CCDC7: variants seen among roughly 807,000 people sequenced by gnomAD.
The protein encoded by CCDC7 is coiled-coil domain containing 7.
Under a neutral mutation model 196.9 loss-of-function variants are expected in CCDC7, and 183 were observed. That is an observed-to-expected ratio of 0.93 (90% CI 0.82 to 1.05). CCDC7 has a LOEUF of 1.05. Ranked by LOEUF, CCDC7 falls within the 50% of genes least tolerant of loss-of-function variation. The probability of loss-of-function intolerance (pLI) is 0.00; values close to 1 mark genes in which losing one functional copy is unlikely to be tolerated. For synonymous variants in CCDC7, 525 were observed against 484.6 expected (o/e 1.08, Z -1.10); for missense variants, 1,540 against 1,482.2 (o/e 1.04, Z -0.64).
chr10:32,579,676 A>G (rs975346868), intron 16 of CCDC7, among the ~76,000 whole-genome samples: 1 of 152,134 alleles, frequency 6.6e-6, no homozygotes, highest in Non-Finnish European at 1.5e-5. Context: ...GCATGGTAAA[A>G]ATCCAAAAGA....
chr10:32,736,935 T>G (rs2084962025), intron 28 of CCDC7, among the ~76,000 whole-genome samples: 1 of 152,140 alleles, frequency 6.6e-6, no homozygotes, highest in South Asian at 2.1e-4. Context: ...CTTGATTTAT[T>G]CCTTATCTTA....
intron 28 of CCDC7, among the ~76,000 whole-genome samples, chr10:32,765,832 C>G (rs1277954786): frequency 6.6e-6 from 1 of 151,992 alleles, no homozygotes; most frequent in African/African-American, 2.4e-5. Flanking sequence ...ATTAACGTAT[C>G]CCCTGGTAAC....
At chr10:32,696,979 C>A (rs1319453012) in intron 24 of CCDC7, among the ~76,000 whole-genome samples, 1 of 152,052 alleles carries the variant, frequency 6.6e-6, no homozygotes, top group Non-Finnish European at 1.5e-5. Context: ...TGGACCAGGG[C>A]TGAGGTGGGG....
chr10:32,671,096 A>C (rs549218322), intron 21 of CCDC7, among the ~76,000 whole-genome samples: 10 of 152,290 alleles, frequency 6.6e-5, no homozygotes, highest in Non-Finnish European at 1.2e-4. Context: ...TTCATTCAAA[A>C]TTTAGTGTAA....
intron 16 of CCDC7, 29 bp from the exon 18 acceptor site, chr10:32,583,005 C>CT (rs1415868688): frequency 8.2e-7 from 1 of 1,219,936 alleles, no homozygotes. Flanking sequence ...TTCACATAAT[C>CT]TAATACCAGA....
At position 32,606,184 on chromosome 10, in the gene CCDC7, C is replaced by G. The variant is rs150081005; in HGVS notation, c.1801+21880C>G. Among the ~76,000 whole-genome samples the G allele has an allele frequency of 1.1e-4, 17 of 152,350 alleles. No homozygotes were observed. In the East Asian group the frequency reaches 2.9e-3, roughly 26 times the overall value. On this transcript the variant is annotated intron_variant, in intron 18 of 41. Transcript: ENST00000639629. ...TACAAGCCATAAGCTTTGGTGGTTTCTACATGGTGTTAAGCCTGTAGCTGA... is the reference window on the plus strand; with the variant it reads ...TACAAGCCATAAGCTTTGGTGGTTTGTACATGGTGTTAAGCCTGTAGCTGA...
chr10:32,814,474 C>G (rs1235379439), intron 31 of CCDC7, 21 bp downstream of exon 32: 4 of 1,523,638 alleles, frequency 2.6e-6, no homozygotes, highest in Non-Finnish European at 3.6e-6. Flanking sequence ...AAACTTTACA[C>G]ATTTAGTATT....
At chr10:32,609,596 G>A (rs2061885670) in intron 18 of CCDC7, among the ~76,000 whole-genome samples, 1 of 152,142 alleles carries the variant, frequency 6.6e-6, no homozygotes, top group Non-Finnish European at 1.5e-5. Flanking sequence ...TGATACACAA[G>A]GGCTAATATG....
intron 18 of CCDC7, among the ~76,000 whole-genome samples, chr10:32,612,784 A>G (rs2062316399): frequency 6.6e-6 from 1 of 152,040 alleles, no homozygotes; most frequent in Non-Finnish European, 1.5e-5. Flanking sequence ...CATGGTGGAT[A>G]AGCTTTTTAA....
chr10:32,567,979 T>A, intron 15 of CCDC7, 88 bp downstream of exon 16: 1 of 1,312,086 alleles, frequency 7.6e-7, no homozygotes, highest in Non-Finnish European at 1.0e-6. Flanking sequence ...GTATATGTTA[T>A]TTAAAAATTC....
intron 21 of CCDC7, among the ~76,000 whole-genome samples, chr10:32,665,651 A>G (rs887270861): frequency 6.6e-6 from 1 of 152,056 alleles, no homozygotes; most frequent in African/African-American, 2.4e-5. Flanking sequence ...TAGGATGTAC[A>G]GTGCCTCCAG....
At chr10:32,693,083 A>T (rs1311788745) in intron 23 of CCDC7, among the ~76,000 whole-genome samples, 1 of 152,212 alleles carries the variant, frequency 6.6e-6, no homozygotes, top group Admixed American at 6.5e-5. Flanking sequence ...CTCATGTCCA[A>T]TAGTGAGGGT....
chr10:32,737,078 T>C (rs984085987), intron 28 of CCDC7, among the ~76,000 whole-genome samples: 2 of 152,190 alleles, frequency 1.3e-5, no homozygotes, highest in Admixed American at 1.3e-4. Flanking sequence ...AAATGGGCTT[T>C]AGATTTTGCC....
chr10:32,664,016 G>T (rs1008877592), intron 20 of CCDC7, 38 bp from the exon 22 acceptor site: 3 of 391,166 alleles, frequency 7.7e-6, no homozygotes, highest in African/African-American at 2.1e-5. Flanking sequence ...TTTCACTATA[G>T]TTTATGTTTA....
At chr10:32,786,826 T>C (rs1479973182) in intron 29 of CCDC7, among the ~76,000 whole-genome samples, 1 of 151,382 alleles carries the variant, frequency 6.6e-6, no homozygotes, top group Non-Finnish European at 1.5e-5. Flanking sequence ...AAGGAAAACA[T>C]GGACAAAGAA....
At chr10:32,462,820 A>G (rs2036007393) in intron 4 of CCDC7, 117 bp downstream of exon 5, 6 of 1,267,216 alleles carry the variant, frequency 4.7e-6, no homozygotes, top group South Asian at 3.2e-5. Flanking sequence ...TTGCTGCTCT[A>G]TATATTTAAG....
intron 28 of CCDC7, among the ~76,000 whole-genome samples, chr10:32,751,911 C>A (rs143695598): frequency 6.6e-6 from 1 of 152,118 alleles, no homozygotes; most frequent in Non-Finnish European, 1.5e-5. Context: ...CGGCAGAGAA[C>A]GTGATTCAGT....
rs1459901696 is a variant in CCDC7 at position 32,527,666 on chromosome 10, G to T, written c.993+9161G>T. 2.0e-5 allele frequency among the ~76,000 whole-genome samples: 3 copies of T among 152,260 alleles called. No individual in the cohort carries two copies. In the East Asian group the frequency reaches 5.8e-4, roughly 29 times the overall value. On this transcript the variant is annotated intron_variant, in intron 11 of 41. Transcript: ENST00000639629. ...CTTCTCTTGTTATAAATTACTTAAA[G>T]AATTTCTCATAATGATGCAGATGTG...
Position 32,474,034 on chromosome 10 carries a change from A to C in CCDC7, c.796+11A>C. 6.2e-7 allele frequency: 1 copy of C among 1,610,148 alleles called. No individual in the cohort carries two copies. The highest frequency in any genetic ancestry group is 8.5e-7 in the Non-Finnish European group (1 of 1,178,150). Reference sequence around the variant, plus strand: ...CTGCAACAGAACCACGTAAGTTTCCACTCATTAAAGCATTATTGTGATAAT... The same window carrying C: ...CTGCAACAGAACCACGTAAGTTTCCCCTCATTAAAGCATTATTGTGATAAT... On this transcript the variant is annotated intron_variant, in intron 8 of 41. Transcript: ENST00000639629.
Sources: allele counts gnomAD v4.1 joint callset (sites outside exome capture counted in the v4.1 genomes callset), GRCh38; gene constraint gnomAD v4.1.1; transcripts MANE v1.5; gene names NCBI Gene and HGNC (gene_info 2026-07-23, HGNC 2026-07-21).